LHFPL4: variants seen among roughly 807,000 people sequenced by gnomAD.
LHFPL4 encodes LHFPL tetraspan subfamily member 4.
Under a neutral mutation model 20.0 loss-of-function variants are expected in LHFPL4, and 6 were observed. The observed-to-expected ratio is 0.30, with a 90% CI of 0.16 to 0.59. The LOEUF (loss-of-function observed/expected upper bound fraction) is 0.59, where lower values mean the gene tolerates loss of function less well. Ranked by LOEUF, LHFPL4 falls within the 20% of genes least tolerant of loss-of-function variation. LHFPL4 has a pLI of 0.88. For synonymous variants in LHFPL4, 129 were observed against 143.8 expected (o/e 0.90, Z 0.74); for missense variants, 215 against 331.2 (o/e 0.65, Z 2.72).
chr3:9,548,178 G>A (rs375908251), intron 2 of LHFPL4, among the ~76,000 whole-genome samples: 1 of 152,062 alleles, frequency 6.6e-6, no homozygotes, highest in Non-Finnish European at 1.5e-5. Context: ...TATGACCTTG[G>A]ACAAATGACT....
chr3:9,523,984 C>CCT (rs2046357282), intron 2 of LHFPL4, among the ~76,000 whole-genome samples: 1 of 66,864 alleles, frequency 1.5e-5, no homozygotes, highest in East Asian at 3.9e-4. Context: ...GCTAGTATTT[C>CCT]CCCCCCCCCC....
chr3:9,534,269 T>C (rs555005985), intron 2 of LHFPL4, among the ~76,000 whole-genome samples: 40 of 151,514 alleles, frequency 2.6e-4, no homozygotes, highest in Admixed American at 1.8e-3. Flanking sequence ...TAAGTAAACA[T>C]TGGAAATAAC....
At chr3:9,515,405 G>T (rs536189566) in intron 2 of LHFPL4, among the ~76,000 whole-genome samples, 1 of 152,048 alleles carries the variant, frequency 6.6e-6, no homozygotes, top group Admixed American at 6.6e-5. Context: ...ACGGAGTCTC[G>T]CTCTGTTGCC....
At chr3:9,539,825 A>G (rs2125665734) in intron 2 of LHFPL4, among the ~76,000 whole-genome samples, 1 of 152,178 alleles carries the variant, frequency 6.6e-6, no homozygotes, top group South Asian at 2.1e-4. Flanking sequence ...AAAAATATAT[A>G]TATAATATAA....
chr3:9,517,808 GTTTTTTT>G (rs1294844205), intron 2 of LHFPL4, among the ~76,000 whole-genome samples: 3 of 116,712 alleles, frequency 2.6e-5, no homozygotes, highest in South Asian at 2.7e-4. Flanking sequence ...TTTGTTTTTT[GTTTTTTT>G]TTTTTTGCTT....
At chr3:9,537,851 T>C (rs2046452842) in intron 2 of LHFPL4, among the ~76,000 whole-genome samples, 4 of 152,248 alleles carry the variant, frequency 2.6e-5, no homozygotes, top group African/African-American at 9.6e-5. Context: ...CATACAATGA[T>C]GCCTCAAATC....
chr3:9,551,656 A>G (rs1559525520), intron 2 of LHFPL4, among the ~76,000 whole-genome samples: 1 of 152,284 alleles, frequency 6.6e-6, no homozygotes, highest in East Asian at 1.9e-4. Context: ...TGCCCTCCAG[A>G]GACCCATATC....
At chr3:9,521,519 G>C (rs866866116) in intron 2 of LHFPL4, among the ~76,000 whole-genome samples, 25 of 151,772 alleles carry the variant, frequency 1.6e-4, no homozygotes, top group Admixed American at 1.4e-3. Context: ...TCCTGCCTCA[G>C]CCTCCCAAGT....
Position 9,538,785 on chromosome 3 carries a change from G to A in LHFPL4, c.406+13489C>T, listed in dbSNP as rs571207557. ...GCAATCTTGGCTCACTGCAACCTCC[G>A]CCTCCCTGGTTCAAGGGATTCTCCT... On this transcript the variant is annotated intron_variant, in intron 2 of 3. Transcript: ENST00000287585. 1.8e-4 allele frequency among the ~76,000 whole-genome samples: 27 copies of A among 150,698 alleles called. 1 individual carries two copies. The highest frequency in any genetic ancestry group is 5.9e-4 in the African/African-American group (24 of 41,018).
intron 2 of LHFPL4, among the ~76,000 whole-genome samples, chr3:9,530,863 T>G (rs931220760): frequency 1.3e-5 from 2 of 152,178 alleles, no homozygotes; most frequent in African/African-American, 4.8e-5. Context: ...TCCTGCAAAG[T>G]GCTGGGATAA....
intron 3 of LHFPL4, among the ~76,000 whole-genome samples, chr3:9,505,274 CTTT>C (rs35722898): frequency 1.4e-5 from 2 of 144,984 alleles, no homozygotes; most frequent in African/African-American, 2.6e-5. Context: ...TCTTTTCTTT[CTTT>C]TTTTTTTTTG....
At chr3:9,512,495 A>G (rs1361188964) in intron 2 of LHFPL4, among the ~76,000 whole-genome samples, 2 of 152,188 alleles carry the variant, frequency 1.3e-5, no homozygotes, top group Non-Finnish European at 1.5e-5. Context: ...GAAGGAGGTA[A>G]GTTTATTTTT....
chr3:9,521,174 T>C (rs2046335061), intron 2 of LHFPL4, among the ~76,000 whole-genome samples: 1 of 152,040 alleles, frequency 6.6e-6, no homozygotes, highest in Non-Finnish European at 1.5e-5. Flanking sequence ...TGCCATGAAG[T>C]TTGCTTTGTC....
chr3:9,511,072 C>T (rs1485988835), intron 2 of LHFPL4, among the ~76,000 whole-genome samples: 2 of 151,624 alleles, frequency 1.3e-5, no homozygotes, highest in African/African-American at 2.4e-5. Context: ...AAAAATTCAG[C>T]CTGGCATGGT....
chr3:9,517,797 TTTTGTTTTTTG>T (rs1279761960), intron 2 of LHFPL4, among the ~76,000 whole-genome samples: 12 of 125,994 alleles, frequency 9.5e-5, no homozygotes, highest in African/African-American at 3.4e-4. Context: ...GGTTGGGTTT[TTTTGTTTTTTG>T]TTTTTTTTTT....
chr3:9,538,479 G>A (rs2046457193), intron 2 of LHFPL4, among the ~76,000 whole-genome samples: 1 of 152,154 alleles, frequency 6.6e-6, no homozygotes. Context: ...TTTGATTCCG[G>A]TCACACAACA....
At chr3:9,550,296 A>G (rs545284469) in intron 2 of LHFPL4, among the ~76,000 whole-genome samples, 1 of 152,306 alleles carries the variant, frequency 6.6e-6, no homozygotes, top group Admixed American at 6.5e-5. Context: ...AACTCTGCCA[A>G]CTGCCCCCTC....
intron 2 of LHFPL4, among the ~76,000 whole-genome samples, chr3:9,536,681 G>A (rs551361888): frequency 2.8e-4 from 43 of 152,228 alleles, no homozygotes; most frequent in African/African-American, 8.9e-4. Context: ...TGGTATCATG[G>A]CTGGGCACAG....
intron 3 of LHFPL4, among the ~76,000 whole-genome samples, chr3:9,504,210 A>G (rs1258985823): frequency 1.3e-5 from 2 of 152,100 alleles, no homozygotes; most frequent in Non-Finnish European, 2.9e-5. Context: ...ATCTCTACTA[A>G]GAATACAACA....
Sources: allele counts gnomAD v4.1 joint callset (sites outside exome capture counted in the v4.1 genomes callset), GRCh38; gene constraint gnomAD v4.1.1; transcripts MANE v1.5; gene names NCBI Gene and HGNC (gene_info 2026-07-23, HGNC 2026-07-21).